The following PLCXD3 variants were observed in gnomAD, a reference collection of about 807,000 sequenced individuals.
PLCXD3 encodes PI-PLC X domain-containing protein 3.
In PLCXD3, 19 loss-of-function variants were observed where a neutral mutation model predicts 25.5. The ratio of observed to expected loss-of-function variants is 0.75; its 90% CI spans 0.52 to 1.09. The LOEUF (loss-of-function observed/expected upper bound fraction) is 1.09. PLCXD3 is among the 50% of genes least tolerant of loss of function. The pLI, the probability that PLCXD3 is intolerant of heterozygous loss-of-function variation, is 0.00. For synonymous variants in PLCXD3, 174 were observed against 137.6 expected (o/e 1.26, Z -1.85); for missense variants, 411 against 388.1 (o/e 1.06, Z -0.50).
chr5:41,426,005 T>G (rs1580367223), intron 1 of PLCXD3, among the ~76,000 whole-genome samples: 1 of 152,184 alleles, frequency 6.6e-6, no homozygotes, highest in African/African-American at 2.4e-5. Context: ...GATAAGAGTA[T>G]GCTTAGTTTT....
chr5:41,341,147 A>T (rs1202325560), intron 2 of PLCXD3, among the ~76,000 whole-genome samples: 4 of 152,202 alleles, frequency 2.6e-5, no homozygotes, highest in African/African-American at 7.2e-5. Context: ...GTGAAAAACC[A>T]AATAATACCA....
intron 1 of PLCXD3, among the ~76,000 whole-genome samples, chr5:41,401,010 A>AT (rs74483963): frequency 4.1e-5 from 1 of 24,544 alleles, no homozygotes; most frequent in African/African-American, 2.9e-4. Context: ...AGCTAAAAAA[A>AT]AAATAAAAAA....
chr5:41,316,669 A>C (rs954187591), intron 2 of PLCXD3, among the ~76,000 whole-genome samples: 17 of 152,172 alleles, frequency 1.1e-4, no homozygotes, highest in Admixed American at 3.9e-4. Context: ...ATCCACCAGA[A>C]GCAGACTTAA....
At chr5:41,321,546 C>T (rs1443097250) in intron 2 of PLCXD3, among the ~76,000 whole-genome samples, 1 of 152,134 alleles carries the variant, frequency 6.6e-6, no homozygotes, top group Non-Finnish European at 1.5e-5. Context: ...TGTCAAAATA[C>T]TAATGATATT....
At chr5:41,338,621 C>G (rs963119223) in intron 2 of PLCXD3, among the ~76,000 whole-genome samples, 1 of 152,080 alleles carries the variant, frequency 6.6e-6, no homozygotes, top group Admixed American at 6.6e-5. Flanking sequence ...CATAGCCTCC[C>G]TCCTACTATT....
chr5:41,373,034 T>TCAAAA (rs980289016), intron 2 of PLCXD3, among the ~76,000 whole-genome samples: 19 of 152,050 alleles, frequency 1.2e-4, no homozygotes, highest in Admixed American at 4.6e-4. Flanking sequence ...ACAGGCTGTC[T>TCAAAA]CAAAACAAAA....
At chr5:41,442,781 C>A (rs941902276) in intron 1 of PLCXD3, among the ~76,000 whole-genome samples, 2 of 152,114 alleles carry the variant, frequency 1.3e-5, no homozygotes, top group African/African-American at 4.8e-5. Flanking sequence ...CTTCCCTCAC[C>A]CAAACACTTC....
rs58098437 is a variant in PLCXD3 at position 41,465,353 on chromosome 5, C to CTTTTTTTTTTTTTTTTTTTTT, written c.103+45050_103+45070dup. On this transcript the variant is annotated intron_variant, in intron 1 of 2. Transcript: ENST00000377801. ...TCCTACTTTCCCCACTAGTTCTTGT[C>CTTTTTTTTTTTTTTTTTTTTT]TTTTTTTTTTTTTTTTTTTTTTTTT... is the stretch of plus-strand genomic sequence containing the variant. Among the ~76,000 whole-genome samples the CTTTTTTTTTTTTTTTTTTTTT allele has an allele frequency of 5.7e-3, 75 of 13,232 alleles. 12 individuals are homozygous for CTTTTTTTTTTTTTTTTTTTTT. The highest frequency in any genetic ancestry group is 6.0e-3 in the Non-Finnish European group (45 of 7,446). 8.7% of individuals were successfully genotyped at this position (13,232 alleles called of 152,430 possible). A position where few individuals can be genotyped will look rare whatever the true frequency, so the allele number is the denominator to read the frequency against.
chr5:41,439,761 C>T (rs993102113), intron 1 of PLCXD3, among the ~76,000 whole-genome samples: 2 of 152,072 alleles, frequency 1.3e-5, no homozygotes, highest in African/African-American at 4.8e-5. Flanking sequence ...ACTGATAGTC[C>T]CCCATATATT....
chr5:41,472,704 A>G lies in PLCXD3; in HGVS notation c.103+37720T>C, dbSNP rs556489360. Among the ~76,000 whole-genome samples the G allele has an allele frequency of 5.9e-5, 9 of 152,334 alleles. 1 individual carries two copies. The South Asian group carries it at 1.9e-3, about 32-fold the overall frequency. ...TACCTTAAGGATCTGCTTTTTAAGA[A>G]GCAATGATGGTTTGAAGGTGATGGT... On this transcript the variant is annotated intron_variant, in intron 1 of 2. Coordinates refer to ENST00000377801, the MANE Select transcript of PLCXD3 (RefSeq NM_001005473.3).
At chr5:41,339,971 AG>A in intron 2 of PLCXD3, among the ~76,000 whole-genome samples, 1 of 152,202 alleles carries the variant, frequency 6.6e-6, no homozygotes, top group Non-Finnish European at 1.5e-5. Context: ...AGAGGGCCAG[AG>A]GAGCCTTCAG....
chr5:41,491,523 C>T lies in PLCXD3; in HGVS notation c.103+18901G>A, dbSNP rs1029931246. Among the ~76,000 whole-genome samples, 10 of 152,110 alleles carry T rather than the reference C, an allele frequency of 6.6e-5. 1 individual carries two copies. Among genetic ancestry groups the T allele is most frequent in the South Asian group, 6.2e-4 (3 of 4,814 alleles). ...TCTGTCTGGTTGATCTGTCTAACGT[C>T]GACAGTGGGGTGTTAAAGTCTCCCA... On this transcript the variant is annotated intron_variant, in intron 1 of 2. Transcript: ENST00000377801.
intron 1 of PLCXD3, among the ~76,000 whole-genome samples, chr5:41,393,844 G>T (rs1175057457): frequency 6.6e-6 from 1 of 152,012 alleles, no homozygotes; most frequent in Non-Finnish European, 1.5e-5. Flanking sequence ...GCAGAAGGAT[G>T]GTGTGAACCC....
chr5:41,472,759 T>C (rs970577443), intron 1 of PLCXD3, among the ~76,000 whole-genome samples: 5 of 152,240 alleles, frequency 3.3e-5, no homozygotes, highest in Non-Finnish European at 7.3e-5. Context: ...GATCTTTAGG[T>C]TGGCCTAAAT....
At chr5:41,401,385 G>A (rs573757872) in intron 1 of PLCXD3, among the ~76,000 whole-genome samples, 1 of 152,156 alleles carries the variant, frequency 6.6e-6, no homozygotes, top group South Asian at 2.1e-4. Flanking sequence ...TACTATGGAT[G>A]ACACGATATA....
chr5:41,335,873 C>T (rs974966886), intron 2 of PLCXD3, among the ~76,000 whole-genome samples: 3 of 152,072 alleles, frequency 2.0e-5, no homozygotes, highest in Admixed American at 6.6e-5. Flanking sequence ...AAGGAGATGT[C>T]CATAAAGCCT....
intron 2 of PLCXD3, among the ~76,000 whole-genome samples, chr5:41,361,966 C>G (rs972117659): frequency 1.3e-5 from 2 of 152,130 alleles, no homozygotes; most frequent in Non-Finnish European, 2.9e-5. Flanking sequence ...TAGACCACCA[C>G]GCTTACTTTC....
chr5:41,402,298 A>G (rs1285002562), intron 1 of PLCXD3, among the ~76,000 whole-genome samples: 1 of 151,744 alleles, frequency 6.6e-6, no homozygotes, highest in African/African-American at 2.4e-5. Flanking sequence ...TTTTCATTCA[A>G]TTAAAATTAT....
chr5:41,492,115 T>A (rs1408138267), intron 1 of PLCXD3, among the ~76,000 whole-genome samples: 2 of 152,220 alleles, frequency 1.3e-5, no homozygotes, highest in Admixed American at 6.5e-5. Context: ...CAGGAGCTCT[T>A]TTAGGGCAGT....
Sources: gnomAD v4.1 joint callset for allele counts (sites outside exome capture counted in the v4.1 genomes callset) on GRCh38, gnomAD v4.1.1 for gene constraint, MANE v1.5 for transcripts, NCBI Gene and HGNC (gene_info 2026-07-23, HGNC 2026-07-21) for gene names.